Variants in MAP3K7CL observed in about 807,000 individuals in gnomAD.
The protein encoded by MAP3K7CL is MAP3K7 C-terminal like.
A neutral mutation model predicts 18.6 loss-of-function variants in MAP3K7CL; 16 were observed. The ratio of observed to expected loss-of-function variants is 0.86; its 90% CI spans 0.58 to 1.31. The LOEUF is 1.31. Among genes scored for constraint, MAP3K7CL ranks in the 50% most tolerant of loss-of-function variants. The probability of loss-of-function intolerance (pLI) is 0.00; values close to 1 mark genes in which losing one functional copy is unlikely to be tolerated. For synonymous variants in MAP3K7CL, 65 were observed against 66.8 expected (o/e 0.97, Z 0.13); for missense variants, 163 against 174.4 (o/e 0.93, Z 0.37).
intron 4 of MAP3K7CL, among the ~76,000 whole-genome samples, chr21:29,162,199 G>C (rs2087565144): frequency 6.6e-6 from 1 of 152,058 alleles, no homozygotes; most frequent in African/African-American, 2.4e-5. Flanking sequence ...GTGTGTGTGT[G>C]TGAAGTGTGG....
At chr21:29,087,652 G>C (rs867833062) in intron 1 of MAP3K7CL, among the ~76,000 whole-genome samples, 2 of 144,808 alleles carry the variant, frequency 1.4e-5, no homozygotes, top group African/African-American at 5.2e-5. Flanking sequence ...GAAGTGCAGC[G>C]GCGCGATCTC....
chr21:29,118,856 A>G (rs2086546686), intron 4 of MAP3K7CL, among the ~76,000 whole-genome samples: 1 of 152,246 alleles, frequency 6.6e-6, no homozygotes, highest in Non-Finnish European at 1.5e-5. Flanking sequence ...TAAGTTGTGC[A>G]TGCGCATATG....
rs182603834 is a variant in MAP3K7CL, at chr21:29,148,208, G to T, written c.71-981G>T. ...TGTGTACTGTATATATACCTGTACT[G>T]TATCTCTATTATATATGTATGTGTA... is the stretch of plus-strand genomic sequence containing the variant. On this transcript the variant is annotated intron_variant, in intron 2 of 4. Transcript: ENST00000399928. Among the ~76,000 whole-genome samples, 27 of 151,940 alleles carry T rather than the reference G, an allele frequency of 1.8e-4. No homozygotes were observed. In the East Asian group the frequency reaches 4.6e-3, roughly 26 times the overall value.
At chr21:29,126,532 C>T (rs1047079014), upstream of MAP3K7CL, among the ~76,000 whole-genome samples, 6 of 152,120 alleles carry the variant, frequency 3.9e-5, no homozygotes, top group Admixed American at 1.3e-4. Flanking sequence ...GGTCTTGGCT[C>T]ACTGCAACCT....
At chr21:29,081,484 C>T (rs539061230), upstream of MAP3K7CL, among the ~76,000 whole-genome samples, 16 of 152,214 alleles carry the variant, frequency 1.1e-4, no homozygotes, top group African/African-American at 3.6e-4. Context: ...GCCTGGGAGG[C>T]GGAGTTGGCA....
At chr21:29,089,616 T>C (rs180864127) in intron 1 of MAP3K7CL, among the ~76,000 whole-genome samples, 1 of 152,350 alleles carries the variant, frequency 6.6e-6, no homozygotes, top group African/African-American at 2.4e-5. Context: ...ATTATTTCTT[T>C]ACTTTGTCTG....
intron 3 of MAP3K7CL, chr21:29,092,375 C>G: frequency 6.3e-7 from 1 of 1,580,514 alleles, no homozygotes; most frequent in Non-Finnish European, 8.7e-7. Flanking sequence ...GAACTGACAT[C>G]AAAAGGTCTG....
At chr21:29,103,558 C>T (rs2146537394) in intron 4 of MAP3K7CL, among the ~76,000 whole-genome samples, 1 of 152,186 alleles carries the variant, frequency 6.6e-6, no homozygotes, top group Admixed American at 6.5e-5. Context: ...TGATGAAACC[C>T]TTCATCTCTA....
intron 2 of MAP3K7CL, among the ~76,000 whole-genome samples, chr21:29,134,381 G>A (rs2086840128): frequency 6.6e-6 from 1 of 152,080 alleles, no homozygotes; most frequent in South Asian, 2.1e-4. Flanking sequence ...AATTGAAAAG[G>A]GACAGAATCA....
chr21:29,156,998 A>G (rs1294963051), intron 3 of MAP3K7CL, among the ~76,000 whole-genome samples: 1 of 152,192 alleles, frequency 6.6e-6, no homozygotes, highest in Non-Finnish European at 1.5e-5. Context: ...GGAAAGAGCA[A>G]AAGATTGAGT....
At chr21:29,078,349 T>G (rs1036787206) in intron 1 of MAP3K7CL, among the ~76,000 whole-genome samples, 4 of 152,232 alleles carry the variant, frequency 2.6e-5, no homozygotes, top group Non-Finnish European at 5.9e-5. Flanking sequence ...AATTTTTTTC[T>G]CTTTTAATCG....
chr21:29,115,891 T>C (rs1348803185), intron 4 of MAP3K7CL, among the ~76,000 whole-genome samples: 2 of 152,270 alleles, frequency 1.3e-5, no homozygotes, highest in Non-Finnish European at 2.9e-5. Context: ...ATGCAGTCTA[T>C]GTAAACATTA....
At chr21:29,170,939 CTT>C (rs367616302) in intron 4 of MAP3K7CL, among the ~76,000 whole-genome samples, 89,133 of 143,200 alleles carry the variant, frequency 0.62, 29,311 homozygotes, top group African/African-American at 0.86. Context: ...GTGCCTGCCT[CTT>C]TTTTTTTTTT....
chr21:29,104,126 G>A (rs1008484180), intron 4 of MAP3K7CL, among the ~76,000 whole-genome samples: 3 of 151,934 alleles, frequency 2.0e-5, no homozygotes, highest in African/African-American at 7.3e-5. Context: ...TGTGTTTTTT[G>A]TTTGTTTGGT....
exon 2 of MAP3K7CL, chr21:29,091,517 G>A (rs985284592): frequency 3.4e-5 from 24 of 697,080 alleles, no homozygotes; most frequent in East Asian, 1.3e-4. Context: ...GCTCTGTCAC[G>A]CAGGCTGGAA....
At chr21:29,085,545 TAAAAAAAAAAAAAA>T (rs33938293), upstream of MAP3K7CL, among the ~76,000 whole-genome samples, 3 of 48,990 alleles carry the variant, frequency 6.1e-5, no homozygotes, top group African/African-American at 1.6e-4. Flanking sequence ...AGACTCTGTC[TAAAAAAAAAAAAAA>T]AAAAAAAAAA....
chr21:29,089,572 C>T (rs1184809369), intron 1 of MAP3K7CL, among the ~76,000 whole-genome samples: 1 of 152,154 alleles, frequency 6.6e-6, no homozygotes, highest in African/African-American at 2.4e-5. Context: ...TACTTGACAC[C>T]ATTAAGCTTG....
intron 4 of MAP3K7CL, among the ~76,000 whole-genome samples, chr21:29,174,439 TTTTTAAAATGA>T (rs1414529885): frequency 6.6e-6 from 1 of 152,244 alleles, no homozygotes; most frequent in African/African-American, 2.4e-5. Flanking sequence ...ATTTTCTGTA[TTTTTAAAATGA>T]TCATGTTTTT....
chr21:29,147,489 G>C (rs1213761708), intron 2 of MAP3K7CL, among the ~76,000 whole-genome samples: 1 of 151,676 alleles, frequency 6.6e-6, no homozygotes, highest in Non-Finnish European at 1.5e-5. Flanking sequence ...TATCTGTACT[G>C]TATACATGTG....
Sources: gnomAD v4.1 joint callset for allele counts (sites outside exome capture counted in the v4.1 genomes callset) on GRCh38, gnomAD v4.1.1 for gene constraint, MANE v1.5 for transcripts, NCBI Gene and HGNC (gene_info 2026-07-23, HGNC 2026-07-21) for gene names.